The following DMD variants were observed in gnomAD, a reference collection of about 807,000 sequenced individuals.
DMD encodes mutant dystrophin.
DMD carries 63 observed loss-of-function variants against 330.1 expected under a neutral mutation model. That is an observed-to-expected ratio of 0.19 (90% CI 0.16 to 0.24). The LOEUF is 0.24. Among genes scored for constraint, DMD ranks in the 10% least tolerant of loss-of-function variants. The pLI, the probability that DMD is intolerant of heterozygous loss-of-function variation, is 1.00. For missense variants in DMD, 3,344 were observed against 2,684.1 expected (o/e 1.25, Z -5.43); for synonymous variants, 1,223 against 959.8 (o/e 1.27, Z -5.07).
At chrX:33,267,332 G>A (rs1281029776) in intron 1 of DMD, among the ~76,000 whole-genome samples, 2 of 110,830 alleles carry the variant, frequency 1.8e-5, no homozygotes, top group East Asian at 5.7e-4. Flanking sequence ...TCTGTAAGGA[G>A]TATTAAAAAA....
At chrX:32,239,537 C>T (rs1336930706) in intron 43 of DMD, among the ~76,000 whole-genome samples, 2 of 111,426 alleles carry the variant, frequency 1.8e-5, no homozygotes, top group Non-Finnish European at 3.8e-5. Flanking sequence ...CATTAACACT[C>T]GAAGTCCATA....
chrX:31,503,120 T>C (rs1447379250), intron 56 of DMD, among the ~76,000 whole-genome samples: 2 of 112,258 alleles, frequency 1.8e-5, no homozygotes, highest in Non-Finnish European at 3.8e-5. Flanking sequence ...AATTATGAGA[T>C]AGGATTATAC....
chrX:32,876,743 G>T (rs776766438), intron 2 of DMD, among the ~76,000 whole-genome samples: 1 of 111,350 alleles, frequency 9.0e-6, no homozygotes, highest in African/African-American at 3.3e-5. Flanking sequence ...TGAATGTTCC[G>T]TGTTTCTTAA....
intron 55 of DMD, among the ~76,000 whole-genome samples, chrX:31,551,504 G>C (rs1266375392): frequency 8.9e-6 from 1 of 111,793 alleles, no homozygotes; most frequent in Non-Finnish European, 1.9e-5. Context: ...CAGTATACAG[G>C]ATCATGGACT....
intron 7 of DMD, among the ~76,000 whole-genome samples, chrX:32,732,133 G>A (rs181095730): frequency 0.02 from 2,249 of 111,594 alleles, 55 homozygotes; most frequent in African/African-American, 0.058. Context: ...CTCAGGAGCC[G>A]ATGCGATCAA....
intron 58 of DMD, among the ~76,000 whole-genome samples, 156 bp downstream of exon 58, chrX:31,478,827 T>G (rs146238650): frequency 5.2e-4 from 58 of 112,276 alleles, no homozygotes; most frequent in African/African-American, 1.8e-3. Context: ...TTATGAGTCC[T>G]TATTTTTTTT....
intron 61 of DMD, among the ~76,000 whole-genome samples, chrX:31,347,073 T>C (rs1265661380): frequency 1.3e-5 from 1 of 79,798 alleles, no homozygotes; most frequent in Non-Finnish European, 2.4e-5. Flanking sequence ...GAAATGCCCA[T>C]AGGCTGAGGT....
At chrX:32,632,203 C>G (rs1033786197) in intron 11 of DMD, among the ~76,000 whole-genome samples, 1 of 112,134 alleles carries the variant, frequency 8.9e-6, no homozygotes, top group Admixed American at 9.4e-5. Context: ...AATCTTAAAA[C>G]TCCAAAATTA....
chrX:31,562,238 T>C (rs1208903613), intron 55 of DMD, among the ~76,000 whole-genome samples: 2 of 112,091 alleles, frequency 1.8e-5, no homozygotes, highest in East Asian at 5.5e-4. Context: ...GCTTGATTTC[T>C]ACTTTTTGAC....
intron 43 of DMD, among the ~76,000 whole-genome samples, chrX:32,254,046 CTTTG>C (rs956932261): frequency 1.5e-4 from 16 of 110,026 alleles, no homozygotes; most frequent in African/African-American, 5.3e-4. Context: ...CTTATTTATT[CTTTG>C]TTTGTTTTTG....
chrX:32,186,987 A>T (rs2096950440), intron 44 of DMD, among the ~76,000 whole-genome samples: 1 of 110,955 alleles, frequency 9.0e-6, no homozygotes, highest in African/African-American at 3.3e-5. Flanking sequence ...ATTAGACAGC[A>T]CCGTGAACTT....
intron 1 of DMD, among the ~76,000 whole-genome samples, chrX:33,058,587 T>A (rs749423572): frequency 1.4e-4 from 15 of 110,543 alleles, no homozygotes; most frequent in Non-Finnish European, 1.5e-4. Flanking sequence ...ACAGGCATGA[T>A]CCACTACACC....
chrX:31,242,946 G>A (rs1318465341), intron 63 of DMD, among the ~76,000 whole-genome samples: 1 of 111,402 alleles, frequency 9.0e-6, no homozygotes, highest in Non-Finnish European at 1.9e-5. Flanking sequence ...AAGTAGACCT[G>A]GTACCATCTC....
intron 60 of DMD, among the ~76,000 whole-genome samples, chrX:31,370,967 A>G: frequency 8.9e-6 from 1 of 112,205 alleles, no homozygotes; most frequent in East Asian, 2.8e-4. Context: ...AACATTATTG[A>G]AATAACAAAA....
intron 44 of DMD, among the ~76,000 whole-genome samples, chrX:32,062,265 T>C (rs2096231146): frequency 9.0e-6 from 1 of 110,881 alleles, no homozygotes; most frequent in Non-Finnish European, 1.9e-5. Context: ...ACCAATTGTA[T>C]GAAGAAATGT....
At chrX:33,241,542 TG>T (rs2052586721) in intron 1 of DMD, among the ~76,000 whole-genome samples, 2 of 112,088 alleles carry the variant, frequency 1.8e-5, no homozygotes. Flanking sequence ...CAAGCTCTTT[TG>T]TGGTTCCAAT....
intron 44 of DMD, among the ~76,000 whole-genome samples, chrX:32,151,728 G>GT (rs1411635751): frequency 2.9e-5 from 2 of 68,818 alleles, no homozygotes; most frequent in African/African-American, 4.5e-5. Flanking sequence ...ATGGTTTATT[G>GT]TTTTTTGTTT....
At chrX:32,004,418 A>T (rs771016773) in intron 44 of DMD, among the ~76,000 whole-genome samples, 7 of 111,853 alleles carry the variant, frequency 6.3e-5, no homozygotes, top group African/African-American at 2.3e-4. Flanking sequence ...CAGAGTGAAT[A>T]GTTTACCAAA....
At chrX:32,366,736 C>A (rs1252076693) in intron 34 of DMD, among the ~76,000 whole-genome samples, 1 of 111,981 alleles carries the variant, frequency 8.9e-6, no homozygotes, top group Non-Finnish European at 1.9e-5. Flanking sequence ...GAAATCACTT[C>A]TCATACTTTC....
Sources: allele counts gnomAD v4.1 joint callset (sites outside exome capture counted in the v4.1 genomes callset), GRCh38; gene constraint gnomAD v4.1.1; transcripts MANE v1.5; gene names NCBI Gene and HGNC (gene_info 2026-07-23, HGNC 2026-07-21).